Variants in ABCA6 observed in about 807,000 individuals in gnomAD.
ABCA6 encodes ATP binding cassette subfamily A member 6.
In ABCA6, 164 loss-of-function variants were observed where a neutral mutation model predicts 191.2. The ratio of observed to expected loss-of-function variants is 0.86; its 90% confidence interval spans 0.76 to 0.98. ABCA6 has a LOEUF of 0.98. Among genes scored for constraint, ABCA6 ranks in the 50% least tolerant of loss-of-function variants. ABCA6 has a pLI of 0.00. For synonymous variants in ABCA6, 636 were observed against 647.7 expected (o/e 0.98, Z 0.27); for missense variants, 1,958 against 1,894.1 (o/e 1.03, Z -0.63).
intron 2 of ABCA6, among the ~76,000 whole-genome samples, chr17:69,140,183 C>T (rs1186269860): frequency 6.6e-6 from 1 of 152,122 alleles, no homozygotes; most frequent in Admixed American, 6.6e-5. Flanking sequence ...GATTAGCCCA[C>T]CTGCTTGATG....
chr17:69,087,236 T>A (rs1402254778), intron 29 of ABCA6, 117 bp downstream of exon 29: 2 of 1,331,048 alleles, frequency 1.5e-6, no homozygotes, highest in Non-Finnish European at 2.1e-6. Context: ...CCTGGACGCA[T>A]AATACAGAAA....
At chr17:69,137,169 T>C in intron 3 of ABCA6, 127 bp downstream of exon 3, 1 of 863,710 alleles carries the variant, frequency 1.2e-6, no homozygotes, top group Non-Finnish European at 1.8e-6. Context: ...ACCAGATTTG[T>C]ATGCTATTTT....
At chr17:69,098,489 G>A (rs2144640305) in intron 22 of ABCA6, 1 of 152,634 alleles carries the variant, frequency 6.6e-6, no homozygotes, top group East Asian at 1.9e-4. Flanking sequence ...GCCAGGTGTG[G>A]TGGTAAATGT....
chr17:69,138,511 C>G (rs1389333555), intron 2 of ABCA6, among the ~76,000 whole-genome samples: 1 of 151,976 alleles, frequency 6.6e-6, no homozygotes, highest in Non-Finnish European at 1.5e-5. Flanking sequence ...GTGAAAATGG[C>G]CATACTGCCC....
intron 27 of ABCA6, among the ~76,000 whole-genome samples, chr17:69,089,008 A>G (rs975613236): frequency 6.6e-5 from 10 of 152,162 alleles, no homozygotes; most frequent in Admixed American, 1.3e-4. Context: ...TATAAGCTCC[A>G]TGAGGGCAGG....
intron 15 of ABCA6, 135 bp downstream of exon 15, chr17:69,113,087 C>T (rs1004223375): frequency 1.0e-5 from 10 of 1,000,760 alleles, no homozygotes; most frequent in African/African-American, 3.4e-5. Context: ...GAACTAGACT[C>T]CTGTCGTCCT....
rs767129872 is a variant in ABCA6 at position 69,113,743 on chromosome 17, T to C, written c.1783-6A>G. ...TCCAATAATATTCGTTGTACCTATATGAGAAAATACGCAACTTTTAAAATC... is the reference window on the plus strand; with the variant it reads ...TCCAATAATATTCGTTGTACCTATACGAGAAAATACGCAACTTTTAAAATC... On this transcript the variant is annotated splice_region_variant and splice_polypyrimidine_tract_variant and intron_variant, in intron 13 of 38. Coordinates refer to ENST00000284425, the MANE Select transcript of ABCA6 (RefSeq NM_080284.3). The C allele has an allele frequency of 2.5e-6, 4 of 1,606,944 alleles. No homozygotes were observed. The highest frequency in any genetic ancestry group is 2.7e-5 in the African/African-American group (2 of 74,584).
At chr17:69,079,184 A>G (rs780951404) in intron 38 of ABCA6, 26 bp downstream of exon 38, 37 of 1,603,340 alleles carry the variant, frequency 2.3e-5, no homozygotes, top group Non-Finnish European at 2.8e-5. Flanking sequence ...TTACCAGATG[A>G]TACAAAGTCA....
At chr17:69,123,457 CG>C in intron 9 of ABCA6, 50 bp from the exon 10 acceptor site, 1 of 1,265,098 alleles carries the variant, frequency 7.9e-7, no homozygotes, top group Non-Finnish European at 1.0e-6. Flanking sequence ...TAAAAGAATG[CG>C]CAAAGAAGCC....
chr17:69,101,436 A>C (rs1309377889), intron 21 of ABCA6, among the ~76,000 whole-genome samples: 1 of 152,028 alleles, frequency 6.6e-6, no homozygotes, highest in Non-Finnish European at 1.5e-5. Flanking sequence ...GTTTACTAAA[A>C]AATACAAAAA....
chr17:69,134,886 G>GTATTT, intron 4 of ABCA6, 144 bp from the exon 5 acceptor site: 1 of 127,066 alleles, frequency 7.9e-6, no homozygotes, highest in Non-Finnish European at 1.2e-5. Flanking sequence ...TGTTGTGGTT[G>GTATTT]TCTTTTTTTT....
Position 69,140,668 on chromosome 17 carries a change from G to A in ABCA6, c.36C>T (p.Thr12=), listed in dbSNP as rs1165285782. 6.3e-7 allele frequency: 1 copy of A among 1,599,738 alleles called. No individual in the cohort carries two copies. The highest frequency in any genetic ancestry group is 2.3e-5 in the East Asian group (1 of 43,926). The change falls in exon 2 of 39, where the codon ACC becomes ACT. Residue 12 remains threonine (T), a synonymous_variant. Coordinates refer to ENST00000284425, the MANE Select transcript of ABCA6 (RefSeq NM_080284.3). The part of the protein sequence containing the change: ...NMKQKSVYQQ[T]KALLCKNFLK... The stretch of plus-strand genomic sequence containing the variant: ...GAAAATTCTTGCACAGAAGTGCTTT[G>A]GTTTGCTGATACACGCTTTTCTGTT...
At chr17:69,134,866 G>A (rs1385740780) in intron 4 of ABCA6, 124 bp from the exon 5 acceptor site, 3 of 459,086 alleles carry the variant, frequency 6.5e-6, no homozygotes, top group Admixed American at 4.0e-5. Flanking sequence ...TGGTGGTGGT[G>A]TTTCGTTTTT....
chr17:69,082,423 T>A (rs138455234), intron 36 of ABCA6, among the ~76,000 whole-genome samples: 1 of 152,136 alleles, frequency 6.6e-6, no homozygotes, highest in East Asian at 1.9e-4. Flanking sequence ...TATTTTAAGG[T>A]ATGAAAATTC....
intron 4 of ABCA6, chr17:69,135,706 G>T (rs1258498227): frequency 9.4e-6 from 3 of 318,376 alleles, no homozygotes; most frequent in Non-Finnish European, 1.7e-5. Flanking sequence ...TCCCCAGGTA[G>T]GACTTCTCTA....
rs548455027 is a variant in ABCA6, at chr17:69,116,101, C to T, written c.1496-615G>A. On this transcript the variant is annotated intron_variant, in intron 11 of 38. Transcript: ENST00000284425. The stretch of plus-strand genomic sequence containing the variant: ...CAAACTCCTGAGTTTAAGCAATACA[C>T]CCACTTCGGGATTTACAGATGTGAG... 3.3e-5 allele frequency among the ~76,000 whole-genome samples: 5 copies of T among 152,184 alleles called. No homozygotes were observed. The South Asian group carries it at 1.0e-3, about 32-fold the overall frequency.
At position 69,099,156 on chromosome 17, in the gene ABCA6, C is replaced by G. The variant is rs557922649; in HGVS notation, c.3013-1129G>C. Reference sequence around the variant, plus strand: ...GGAAAGGAACTTTAAATCACTACCCCCAAATCAGCATCCACTTGAGGCTAG... The same window carrying G: ...GGAAAGGAACTTTAAATCACTACCCGCAAATCAGCATCCACTTGAGGCTAG... On this transcript the variant is annotated intron_variant, in intron 22 of 38. Coordinates refer to ENST00000284425, the MANE Select transcript of ABCA6 (RefSeq NM_080284.3). Among the ~76,000 whole-genome samples, 153 of 152,132 alleles carry G rather than the reference C, an allele frequency of 1.0e-3. 1 individual carries two copies. The highest frequency in any genetic ancestry group is 1.5e-3 in the Non-Finnish European group (102 of 67,980).
At chr17:69,132,289 GTTATATTTCT>G (rs758504803) in intron 6 of ABCA6, among the ~76,000 whole-genome samples, 9 of 151,972 alleles carry the variant, frequency 5.9e-5, no homozygotes, top group Non-Finnish European at 1.2e-4. Flanking sequence ...TATAACAAAT[GTTATATTTCT>G]TTTGGGGTAT....
At chr17:69,097,790 T>C (rs2073083093) in intron 23 of ABCA6, 130 bp downstream of exon 23, 2 of 631,016 alleles carry the variant, frequency 3.2e-6, no homozygotes, top group South Asian at 6.0e-5. Context: ...AAGAATAAGG[T>C]TTAGCTACAA....
Sources: gnomAD v4.1 joint callset for allele counts (sites outside exome capture counted in the v4.1 genomes callset) on GRCh38, gnomAD v4.1.1 for gene constraint, MANE v1.5 for transcripts, NCBI Gene and HGNC (gene_info 2026-07-23, HGNC 2026-07-21) for gene names.